CFAP45: variants seen among roughly 807,000 people sequenced by gnomAD.
The protein encoded by CFAP45 is cilia- and flagella-associated protein 45.
In CFAP45, 43 loss-of-function variants were observed where a neutral mutation model predicts 75.6. That is an observed-to-expected ratio of 0.57 (90% CI 0.45 to 0.73). The LOEUF (loss-of-function observed/expected upper bound fraction) is 0.73. Among genes scored for constraint, CFAP45 ranks in the 30% least tolerant of loss-of-function variants. The pLI is 0.00. For missense variants in CFAP45, 689 were observed against 701.5 expected (o/e 0.98, Z 0.20); for synonymous variants, 223 against 244.6 (o/e 0.91, Z 0.82).
At chr1:159,896,395 GA>G (rs1005924935) in intron 1 of CFAP45, among the ~76,000 whole-genome samples, 4 of 152,328 alleles carry the variant, frequency 2.6e-5, no homozygotes, top group Non-Finnish European at 5.9e-5. Flanking sequence ...CCTCATTGGG[GA>G]AATGCTGACT....
intron 6 of CFAP45, among the ~76,000 whole-genome samples, chr1:159,886,262 C>T (rs1242930163): frequency 2.0e-5 from 3 of 152,100 alleles, no homozygotes; most frequent in South Asian, 4.2e-4. Context: ...ATCGCTTGAA[C>T]CCGGGAGGTG....
intron 4 of CFAP45, 82 bp downstream of exon 4, chr1:159,888,270 A>G: frequency 2.8e-6 from 4 of 1,414,666 alleles, no homozygotes; most frequent in Non-Finnish European, 2.9e-6. Flanking sequence ...GCCTCATTTC[A>G]GGGTCCCCTG....
In CFAP45 at chr1:159,889,327, A is replaced by G. The variant is rs546138941; in HGVS notation, c.273-831T>C. 3.9e-5 allele frequency among the ~76,000 whole-genome samples: 6 copies of G among 152,308 alleles called. No individual in the cohort carries two copies. The South Asian group carries it at 1.0e-3, about 26-fold the overall frequency. On this transcript the variant is annotated intron_variant, in intron 3 of 11. Transcript: ENST00000368099. Reference sequence around the variant, plus strand: ...TTCTGGGTGAGGCAGGTACATGCCAATTTGACAGGTACATGCCAATAAGAC... The same window carrying G: ...TTCTGGGTGAGGCAGGTACATGCCAGTTTGACAGGTACATGCCAATAAGAC...
chr1:159,893,706 A>G (rs1200180321), intron 1 of CFAP45, among the ~76,000 whole-genome samples: 1 of 152,176 alleles, frequency 6.6e-6, no homozygotes, highest in African/African-American at 2.4e-5. Context: ...AAAGGCCACT[A>G]TAGTTAATAA....
In CFAP45 at chr1:159,884,482, T is replaced by C; in HGVS notation, c.851A>G (p.Glu284Gly). 1 of 1,613,934 alleles carries C rather than the reference T, an allele frequency of 6.2e-7. No homozygotes were observed. Among genetic ancestry groups the C allele is most frequent in the Non-Finnish European group, 8.5e-7 (1 of 1,179,932 alleles). Residue 284 changes from glutamate (E) to glycine (G), a missense_variant, in exon 7 of 12, where the codon GAG (glutamate) becomes GGG (glycine). Coordinates refer to ENST00000368099, the MANE Select transcript of CFAP45 (RefSeq NM_012337.3). Reference protein sequence around the residue: ...LLAEQREQEKEQMLEYMEQLQ... With the variant: ...LLAEQREQEKGQMLEYMEQLQ... Reference sequence around the variant, plus strand: ...CTGTTCCATATATTCCAGCATCTGCTCCTTCTCCTGCTCCCGCTGCTCAGC... The same window carrying C: ...CTGTTCCATATATTCCAGCATCTGCCCCTTCTCCTGCTCCCGCTGCTCAGC...
chr1:159,880,792 G>A lies in CFAP45; in HGVS notation c.898-92C>T, dbSNP rs1158684686. On this transcript the variant is annotated intron_variant, in intron 7 of 11. Transcript: ENST00000368099. Reference sequence around the variant, plus strand: ...GATAGAGAGATGCAGACAGAGGAGGGGGCAAATGCATTGCCTGCAGTCTAG... The same window carrying A: ...GATAGAGAGATGCAGACAGAGGAGGAGGCAAATGCATTGCCTGCAGTCTAG... The A allele has an allele frequency of 2.4e-6, 3 of 1,240,894 alleles. No homozygotes were observed. The East Asian group carries it at 7.2e-5, about 30-fold the overall frequency. 76.9% of individuals were successfully genotyped at this position (1,240,894 alleles called of 1,614,324 possible). A position where few individuals can be genotyped will look rare whatever the true frequency, so the allele number is the denominator to read the frequency against.
At chr1:159,880,412 G>A (rs1463316602) in intron 8 of CFAP45, 142 bp downstream of exon 8, 2 of 730,536 alleles carry the variant, frequency 2.7e-6, no homozygotes, top group African/African-American at 3.6e-5. Context: ...AGACAAAGAA[G>A]CCAGGCCCTT....
chr1:159,897,539 C>T (rs765787476), intron 1 of CFAP45, among the ~76,000 whole-genome samples: 18 of 148,810 alleles, frequency 1.2e-4, no homozygotes, highest in Non-Finnish European at 2.5e-4. Flanking sequence ...GCTGAGATCA[C>T]GCCACTGCAC....
chr1:159,877,672 T>C lies in CFAP45; in HGVS notation c.1045-210A>G, dbSNP rs369485169. Among the ~76,000 whole-genome samples the C allele has an allele frequency of 2.0e-5, 3 of 152,074 alleles. No homozygotes were observed. The South Asian group carries it at 6.3e-4, about 32-fold the overall frequency. On this transcript the variant is annotated intron_variant, in intron 8 of 11. Coordinates refer to ENST00000368099, the MANE Select transcript of CFAP45 (RefSeq NM_012337.3). ...CAGGAGGACCACTTGAGCCCAGGAG[T>C]TCATGACCAGCCTAGGCCACAGAGA...
At chr1:159,888,089 G>A (rs1649737613) in intron 4 of CFAP45, 78 bp from the exon 5 acceptor site, 1 of 1,496,640 alleles carries the variant, frequency 6.7e-7, no homozygotes, top group Non-Finnish European at 9.1e-7. Context: ...GCTACCACAG[G>A]TGACCCAGTA....
intron 6 of CFAP45, among the ~76,000 whole-genome samples, chr1:159,885,704 C>T (rs1398079909): frequency 1.3e-5 from 2 of 152,084 alleles, no homozygotes; most frequent in Non-Finnish European, 2.9e-5. Context: ...CCGCAATGAG[C>T]GTAGCATCTA....
chr1:159,893,220 A>G lies in CFAP45; in HGVS notation c.89T>C (p.Val30Ala). 6.2e-7 allele frequency: 1 copy of G among 1,613,994 alleles called. No individual in the cohort carries two copies. The highest frequency in any genetic ancestry group is 8.5e-7 in the Non-Finnish European group (1 of 1,179,862). Reference protein sequence around the residue: ...RNKARYRTKAVSSEVDESLFG... With the variant: ...RNKARYRTKAASSEVDESLFG... The stretch of plus-strand genomic sequence containing the variant: ...GAGGCTCTCATCCACCTCAGAGCTC[A>G]CGGCTTTGGTCCGATAGCGAGCCTT... The change falls in exon 2 of 12, where the codon GTG becomes GCG. Residue 30 changes from valine to alanine, a missense_variant. Transcript: ENST00000368099.
chr1:159,880,054 G>T lies in CFAP45; in HGVS notation c.1044+500C>A, dbSNP rs540129290. Among the ~76,000 whole-genome samples the T allele has an allele frequency of 2.6e-5, 4 of 152,280 alleles. No homozygotes were observed. In the South Asian group the frequency reaches 6.2e-4, roughly 24 times the overall value. On this transcript the variant is annotated intron_variant, in intron 8 of 11. Transcript: ENST00000368099. ...TACATCCATCTGCAACTGTCTGCAGGTATGGCTCTCTCCTCCACTGTGCAT... is the reference window on the plus strand; with the variant it reads ...TACATCCATCTGCAACTGTCTGCAGTTATGGCTCTCTCCTCCACTGTGCAT...
At chr1:159,898,009 G>T in intron 1 of CFAP45, 1 of 658,516 alleles carries the variant, frequency 1.5e-6, no homozygotes, top group Non-Finnish European at 1.9e-6. Flanking sequence ...TTCAACACCT[G>T]TCAACTAAAC....
chr1:159,895,217 C>T (rs1271910084), intron 1 of CFAP45, among the ~76,000 whole-genome samples: 2 of 152,172 alleles, frequency 1.3e-5, no homozygotes, highest in Middle Eastern at 3.2e-3. Context: ...CTGGATGACT[C>T]CAGGCTTATG....
intron 1 of CFAP45, chr1:159,898,282 C>T (rs1332540534): frequency 2.1e-6 from 2 of 949,310 alleles, no homozygotes; most frequent in East Asian, 2.3e-4. Context: ...TAGGATGCCA[C>T]CAGAAGATAA....
intron 1 of CFAP45, among the ~76,000 whole-genome samples, 177 bp from the exon 2 acceptor site, chr1:159,893,482 G>A (rs1167774043): frequency 6.6e-6 from 1 of 152,188 alleles, no homozygotes; most frequent in Non-Finnish European, 1.5e-5. Context: ...CAGATGGAGG[G>A]CATCCCCACA....
chr1:159,874,350 C>A (rs549760790), intron 10 of CFAP45, among the ~76,000 whole-genome samples: 2 of 152,108 alleles, frequency 1.3e-5, no homozygotes, highest in Non-Finnish European at 2.9e-5. Flanking sequence ...ACCATACATG[C>A]GGCATCCTCC....
rs968743639 is a variant in CFAP45, at chr1:159,893,083, G to T, written c.129+97C>A. On this transcript the variant is annotated intron_variant, in intron 2 of 11. Transcript: ENST00000368099. ...TGTCTTCAGTCTGAGAGTTACCTAC[G>T]AGAGCAAGGTTACTCAGCAGAAGCT... The T allele has an allele frequency of 2.9e-6, 4 of 1,388,270 alleles. No homozygotes were observed. In the Admixed American group the frequency reaches 7.1e-5, roughly 25 times the overall value. 86.0% of individuals were successfully genotyped at this position (1,388,270 alleles called of 1,614,324 possible). A position where few individuals can be genotyped will look rare whatever the true frequency, so the allele number is the denominator to read the frequency against.
Sources: gnomAD v4.1 joint callset for allele counts (sites outside exome capture counted in the v4.1 genomes callset) on GRCh38, gnomAD v4.1.1 for gene constraint, MANE v1.5 for transcripts, NCBI Gene and HGNC (gene_info 2026-07-23, HGNC 2026-07-21) for gene names.